FRMD6: variants seen among roughly 807,000 people sequenced by gnomAD.
FRMD6 encodes FERM domain-containing protein 6.
FRMD6 carries 37 observed loss-of-function variants against 73.2 expected under a neutral mutation model. The observed-to-expected ratio is 0.51, with a 90% CI of 0.39 to 0.66. FRMD6 has a LOEUF of 0.66. FRMD6 is among the 30% of genes least tolerant of loss of function. The probability of loss-of-function intolerance (pLI) is 0.00; values close to 1 mark genes in which losing one functional copy is unlikely to be tolerated. For synonymous variants in FRMD6, 273 were observed against 282.2 expected (o/e 0.97, Z 0.33); for missense variants, 714 against 780.5 (o/e 0.91, Z 1.02).
At chr14:51,432,502 A>T in the FRMD6 span, among the ~76,000 whole-genome samples, 2 of 152,154 alleles carry the variant, frequency 1.3e-5, no homozygotes, top group Non-Finnish European at 1.5e-5. Context: ...TGGTGAGTTG[A>T]TTGACTTTTC....
intron 2 of FRMD6, among the ~76,000 whole-genome samples, chr14:51,585,961 A>ATATATATATATATATATATATATATAT (rs1555324347): frequency 1.1e-4 from 6 of 56,284 alleles, no homozygotes; most frequent in Non-Finnish European, 2.7e-4. Context: ...ATATATATAT[A>ATATATATATATATATATATATATATAT]ACATTTTCTT....
At chr14:51,603,646 G>T (rs1271336115) in intron 2 of FRMD6, among the ~76,000 whole-genome samples, 1 of 152,116 alleles carries the variant, frequency 6.6e-6, no homozygotes, top group African/African-American at 2.4e-5. Flanking sequence ...AGTGGAGCAA[G>T]GGCCTTGGCA....
rs1566605081 is a variant in FRMD6, at chr14:51,727,866, AC to A, written c.1707del (p.Tyr569Ter). On this transcript the variant is annotated frameshift_variant, in exon 14 of 14. Coordinates refer to ENST00000344768, the MANE Select transcript of FRMD6 (RefSeq NM_001267046.2). LOFTEE classifies it high-confidence loss of function. The part of the protein sequence containing the change: ...AGLCQDTAQS[Y>X]TFGCGHELDE... ...CTGTGTCAGGACACTGCTCAGAGTT[AC>A]ACCTTTGGATGTGGCCATGAACTGG... 1 of 1,614,106 alleles carries A rather than the reference AC, an allele frequency of 6.2e-7. No individual in the cohort carries two copies. Among genetic ancestry groups the A allele is most frequent in the Non-Finnish European group, 8.5e-7 (1 of 1,180,026 alleles).
At chr14:51,444,408 G>T in the FRMD6 span, among the ~76,000 whole-genome samples, 1 of 152,184 alleles carries the variant, frequency 6.6e-6, no homozygotes, top group African/African-American at 2.4e-5. Flanking sequence ...GCTGAGAGTT[G>T]TTTGTACAGG....
At chr14:51,679,177 G>A (rs1158078213) in intron 1 of FRMD6, among the ~76,000 whole-genome samples, 1 of 151,966 alleles carries the variant, frequency 6.6e-6, no homozygotes, top group African/African-American at 2.4e-5. Flanking sequence ...ACAAGACAGA[G>A]AACATTTAAA....
chr14:51,602,488 A>T (rs1221195529), intron 2 of FRMD6, among the ~76,000 whole-genome samples: 2 of 152,240 alleles, frequency 1.3e-5, no homozygotes. Context: ...AAAGAAGAAG[A>T]CTATTTTATG....
At chr14:51,551,946 T>C (rs1217065330) in intron 1 of FRMD6, among the ~76,000 whole-genome samples, 1 of 152,074 alleles carries the variant, frequency 6.6e-6, no homozygotes, top group East Asian at 1.9e-4. Flanking sequence ...GTTCTTAGAG[T>C]TTTATGGCTT....
chr14:51,522,487 A>C (rs1305592622), intron 1 of FRMD6, among the ~76,000 whole-genome samples: 3 of 152,186 alleles, frequency 2.0e-5, no homozygotes, highest in Non-Finnish European at 4.4e-5. Context: ...TTGCTATTAT[A>C]AAACCCTGTA....
At chr14:51,462,122 A>G in the FRMD6 span, among the ~76,000 whole-genome samples, 1 of 152,210 alleles carries the variant, frequency 6.6e-6, no homozygotes, top group African/African-American at 2.4e-5. Flanking sequence ...GAGAAGAAAC[A>G]TCTTTTAAAA....
At chr14:51,580,907 A>T (rs1381268873) in intron 2 of FRMD6, among the ~76,000 whole-genome samples, 1 of 152,228 alleles carries the variant, frequency 6.6e-6, no homozygotes, top group African/African-American at 2.4e-5. Flanking sequence ...CAGCCTGCTC[A>T]TCTTTACATG....
At chr14:51,663,250 C>A (rs1056240123) in intron 1 of FRMD6, among the ~76,000 whole-genome samples, 3 of 152,204 alleles carry the variant, frequency 2.0e-5, no homozygotes, top group African/African-American at 7.2e-5. Flanking sequence ...TTAGACTCAG[C>A]AATCCCTACT....
At chr14:51,575,415 G>A (rs1323061122) in intron 2 of FRMD6, among the ~76,000 whole-genome samples, 4 of 152,196 alleles carry the variant, frequency 2.6e-5, no homozygotes, top group African/African-American at 9.7e-5. Context: ...CATCAGCGGA[G>A]GGGGCCACCT....
At chr14:51,648,843 C>T (rs189048267), upstream of FRMD6, among the ~76,000 whole-genome samples, 87 of 151,978 alleles carry the variant, frequency 5.7e-4, no homozygotes, top group Middle Eastern at 6.8e-3. Context: ...AAAACAAAAG[C>T]AAAAATGTAG....
intron 9 of FRMD6, among the ~76,000 whole-genome samples, chr14:51,713,091 T>C (rs1421864835): frequency 2.0e-5 from 3 of 152,122 alleles, no homozygotes; most frequent in African/African-American, 4.8e-5. Flanking sequence ...TATTTCTCTT[T>C]TGCCAGCTAT....
chr14:51,472,172 A>G, the FRMD6 span, among the ~76,000 whole-genome samples: 3 of 152,150 alleles, frequency 2.0e-5, no homozygotes, highest in Admixed American at 6.6e-5. Flanking sequence ...AAAGACCTAC[A>G]TAGGACCCAG....
intron 1 of FRMD6, chr14:51,523,090 T>C (rs1885037917): frequency 6.6e-6 from 1 of 152,346 alleles, no homozygotes; most frequent in Admixed American, 6.5e-5. Context: ...TCTGTAGTTT[T>C]AAATTTTCAA....
intron 1 of FRMD6, among the ~76,000 whole-genome samples, chr14:51,550,046 T>C (rs763047288): frequency 1.2e-4 from 18 of 152,208 alleles, no homozygotes; most frequent in Non-Finnish European, 2.5e-4. Context: ...TTGTATAGCC[T>C]TAATGATACT....
At chr14:51,619,393 G>A (rs1001190802) in intron 2 of FRMD6, among the ~76,000 whole-genome samples, 1 of 150,854 alleles carries the variant, frequency 6.6e-6, no homozygotes, top group East Asian at 1.9e-4. Flanking sequence ...AAAAAAAAAA[G>A]AGGAAAGGAA....
At chr14:51,703,295 C>T (rs1371804908) in intron 5 of FRMD6, among the ~76,000 whole-genome samples, 1 of 151,852 alleles carries the variant, frequency 6.6e-6, no homozygotes. Context: ...GATTTCTTGG[C>T]CGATAGAAAA....
Sources: gnomAD v4.1 joint callset for allele counts (sites outside exome capture counted in the v4.1 genomes callset) on GRCh38, gnomAD v4.1.1 for gene constraint, MANE v1.5 for transcripts, NCBI Gene and HGNC (gene_info 2026-07-23, HGNC 2026-07-21) for gene names.